The following MUC7 variants were observed in gnomAD, a reference collection of about 807,000 sequenced individuals.
MUC7 encodes mucin 7, secreted.
A neutral mutation model predicts 2.5 loss-of-function variants in MUC7; 2 were observed. The ratio of observed to expected loss-of-function variants is 0.81; its 90% CI spans 0.33 to 2.55. The LOEUF (loss-of-function observed/expected upper bound fraction) is 2.55. Among genes scored for constraint, MUC7 ranks in the 30% most tolerant of loss-of-function variants. The probability of loss-of-function intolerance (pLI) is 0.11; values close to 1 mark genes in which losing one functional copy is unlikely to be tolerated. For missense variants in MUC7, 408 were observed against 455.6 expected (o/e 0.90, Z 0.95); for synonymous variants, 133 against 173.4 (o/e 0.77, Z 1.83).
At chr4:70,430,646 A>G (rs1733635543) in exon 1 of MUC7, 1 of 152,144 alleles carries the variant, frequency 6.6e-6, no homozygotes, top group Admixed American at 6.5e-5. Context: ...AATTCAACTG[A>G]CAAGTAGTTT....
chr4:70,433,087 A>G (rs1015058314), intron 1 of MUC7, among the ~76,000 whole-genome samples: 4 of 152,100 alleles, frequency 2.6e-5, no homozygotes, highest in Non-Finnish European at 5.9e-5. Flanking sequence ...CCATTGGTCT[A>G]TATATCTGTT....
intron 1 of MUC7, among the ~76,000 whole-genome samples, chr4:70,460,470 C>CT (rs56144703): frequency 0.8 from 119,245 of 149,296 alleles, 47,893 homozygotes; most frequent in Admixed American, 0.87. Context: ...ATGAAAAATT[C>CT]TTTTTTTTTT....
At chr4:70,479,659 A>G (rs191797255) in intron 2 of MUC7, among the ~76,000 whole-genome samples, 157 of 152,366 alleles carry the variant, frequency 1.0e-3, no homozygotes, top group Admixed American at 1.6e-3. Flanking sequence ...AAAGGCATGA[A>G]GTATGTTTAC....
chr4:70,479,166 G>A (rs762777442), intron 2 of MUC7, among the ~76,000 whole-genome samples: 1 of 152,140 alleles, frequency 6.6e-6, no homozygotes, highest in Non-Finnish European at 1.5e-5. Flanking sequence ...TAATATGCCT[G>A]GATCTCAGTT....
rs764564422 is a variant in MUC7, at chr4:70,481,637, C to T, written c.893C>T (p.Pro298Leu). The T allele has an allele frequency of 2.0e-5, 33 of 1,613,840 alleles. No homozygotes were observed. The highest frequency in any genetic ancestry group is 2.8e-5 in the Non-Finnish European group (33 of 1,179,820). ...ACTACACCAGCTCCACCGTCTTCCC[C>T]AGCTCCACAAGAGACCACAGCTGCC... Reference protein sequence around the residue: ...SATTPAPPSSPAPQETTAAPI... With the variant: ...SATTPAPPSSLAPQETTAAPI... The change falls in exon 3 of 3, where the codon CCA becomes CTA. Residue 298 changes from proline (P) to leucine (L), a missense_variant. Pro to Leu is a moderately conservative substitution (Grantham distance 98). Transcript: ENST00000304887.
chr4:70,438,225 G>A (rs1733911216), intron 1 of MUC7, among the ~76,000 whole-genome samples: 1 of 152,068 alleles, frequency 6.6e-6, no homozygotes, highest in South Asian at 2.1e-4. Flanking sequence ...TAACCACAGG[G>A]TACTGATCAA....
intron 1 of MUC7, among the ~76,000 whole-genome samples, chr4:70,462,622 TTTTTTGC>T (rs1180618041): frequency 1.3e-5 from 2 of 152,194 alleles, no homozygotes; most frequent in Non-Finnish European, 2.9e-5. Context: ...TATAATTATC[TTTTTTGC>T]ATATATAGAC....
chr4:70,432,002 G>T (rs1321952931), intron 1 of MUC7, among the ~76,000 whole-genome samples: 1 of 152,110 alleles, frequency 6.6e-6, no homozygotes, highest in Non-Finnish European at 1.5e-5. Context: ...GCAGTGTTTG[G>T]TTTTTTGTCC....
intron 1 of MUC7, among the ~76,000 whole-genome samples, chr4:70,466,047 T>C (rs368591605): frequency 3.3e-5 from 5 of 152,112 alleles, no homozygotes; most frequent in African/African-American, 1.2e-4. Flanking sequence ...AACATAAGAC[T>C]AGCAGAGGAC....
intron 1 of MUC7, among the ~76,000 whole-genome samples, chr4:70,435,065 T>G (rs2109786637): frequency 6.6e-6 from 1 of 152,366 alleles, no homozygotes; most frequent in Admixed American, 6.5e-5. Context: ...CACTGTGGTC[T>G]AAGAGACAGT....
chr4:70,449,059 G>C (rs191637307), intron 1 of MUC7, among the ~76,000 whole-genome samples: 1 of 152,228 alleles, frequency 6.6e-6, no homozygotes, highest in South Asian at 2.1e-4. Flanking sequence ...TTCTTGGCCT[G>C]TAGTTTTATT....
intron 1 of MUC7, among the ~76,000 whole-genome samples, chr4:70,433,133 C>A (rs926955723): frequency 1.3e-5 from 2 of 152,134 alleles, no homozygotes; most frequent in Non-Finnish European, 2.9e-5. Context: ...GTTACTGTAG[C>A]CTTGTAGTAA....
chr4:70,443,854 A>G (rs1001648616), intron 1 of MUC7, among the ~76,000 whole-genome samples: 1 of 152,236 alleles, frequency 6.6e-6, no homozygotes, highest in East Asian at 1.9e-4. Context: ...AGGAATCCTG[A>G]TAAACCAAAA....
chr4:70,451,302 C>A (rs565464959), intron 1 of MUC7, among the ~76,000 whole-genome samples: 3 of 152,358 alleles, frequency 2.0e-5, no homozygotes, highest in African/African-American at 7.2e-5. Context: ...CTCCACACCA[C>A]ATGGTGACTG....
At chr4:70,467,445 C>T (rs1349690682), upstream of MUC7, among the ~76,000 whole-genome samples, 1 of 152,068 alleles carries the variant, frequency 6.6e-6, no homozygotes, top group East Asian at 1.9e-4. Context: ...CACAAAAAAA[C>T]CCTTCAAAAA....
intron 2 of MUC7, among the ~76,000 whole-genome samples, chr4:70,476,087 TAAC>T (rs1214157826): frequency 6.6e-6 from 1 of 152,178 alleles, no homozygotes; most frequent in Admixed American, 6.5e-5. Context: ...TGTAAAATAA[TAAC>T]AACACTATAT....
intron 1 of MUC7, among the ~76,000 whole-genome samples, chr4:70,441,912 T>C (rs1734016066): frequency 6.6e-6 from 1 of 152,196 alleles, no homozygotes; most frequent in South Asian, 2.1e-4. Flanking sequence ...TACCCAGTTA[T>C]TCAAAGAAAA....
At chr4:70,449,219 G>A (rs1034613511) in intron 1 of MUC7, among the ~76,000 whole-genome samples, 2 of 152,082 alleles carry the variant, frequency 1.3e-5, no homozygotes, top group Non-Finnish European at 2.9e-5. Flanking sequence ...CTGTTTTCAC[G>A]TTACTGATAA....
chr4:70,481,460 C>T lies in MUC7; in HGVS notation c.716C>T (p.Pro239Leu), dbSNP rs756820945. 4.1e-5 allele frequency: 61 copies of T among 1,500,688 alleles called. 1 individual carries two copies. The highest frequency in any genetic ancestry group is 5.4e-5 in the Non-Finnish European group (61 of 1,120,356). The allele number at this position is 1,500,688 out of a possible 1,614,324, so 93.0% of individuals were successfully genotyped here. The part of the protein sequence containing the change: ...SAPPETTAAP[P>L]TPSATTPAPL... ...CCACCAGAGACCACAGCTGCCCCAC[C>T]CACACCTTCTGCAACTACACCAGCT... Residue 239 changes from proline (P) to leucine (L), a missense_variant, in exon 3 of 3, where the codon CCC becomes CTC. By Grantham distance (98) the Pro-to-Leu change is moderately conservative. Around this residue, in one of 3 missense-constraint regions of MUC7, gnomAD observed 175 missense variants for 187.1 expected, o/e 0.94. Transcript: ENST00000304887.
Sources: gnomAD v4.1 joint callset for allele counts (sites outside exome capture counted in the v4.1 genomes callset) on GRCh38, gnomAD v4.1.1 for gene constraint, gnomAD v4.1.1 regional missense constraint, MANE v1.5 for transcripts, NCBI Gene and HGNC (gene_info 2026-07-23, HGNC 2026-07-21) for gene names.